ZDHHC24: variants seen among roughly 807,000 people sequenced by gnomAD.
The protein encoded by ZDHHC24 is probable palmitoyltransferase ZDHHC24.
A neutral mutation model predicts 23.2 loss-of-function variants in ZDHHC24; 17 were observed. That is an observed-to-expected ratio of 0.73 (90% confidence interval 0.50 to 1.10). ZDHHC24 has a LOEUF of 1.10. ZDHHC24 is among the 50% of genes least tolerant of loss of function. The pLI, the probability that ZDHHC24 is intolerant of heterozygous loss-of-function variation, is 0.00. For missense variants in ZDHHC24, 366 were observed against 393.0 expected, an observed-to-expected ratio of 0.93 and a Z score of 0.58; for synonymous variants, 186 against 194.5, an observed-to-expected ratio of 0.96 and a Z score of 0.36.
chr11:66,526,721 C>T lies in ZDHHC24; in HGVS notation c.*21+215G>A, dbSNP rs1410252393. ...GAGGGAGGAAGTGAGGTGGGTCCCC[C>T]ACCAGCCCAGGCCATGAAACTCAAT... is the stretch of plus-strand genomic sequence containing the variant. On this transcript the variant is annotated intron_variant, in intron 4 of 4. Coordinates refer to the ZDHHC24 transcript ENST00000526986. 9 of 1,614,078 alleles carry T rather than the reference C, an allele frequency of 5.6e-6. No homozygotes were observed. The Admixed American group carries it at 1.0e-4, about 18-fold the overall frequency.
downstream of ZDHHC24, among the ~76,000 whole-genome samples, chr11:66,535,235 G>T (rs1373927356): frequency 1.3e-5 from 2 of 151,388 alleles, no homozygotes; most frequent in Non-Finnish European, 3.0e-5. Context: ...TTGAGACAGA[G>T]TCTAGCTCTT....
chr11:66,530,066 G>A (rs917798777), intron 2 of ZDHHC24: 16 of 1,449,632 alleles, frequency 1.1e-5, no homozygotes, highest in East Asian at 2.5e-5. Context: ...AACTCAGCCC[G>A]TGCTCCCCAT....
At chr11:66,527,218 AAAGAG>A (rs1364753103) in intron 3 of ZDHHC24, among the ~76,000 whole-genome samples, 1 of 151,734 alleles carries the variant, frequency 6.6e-6, no homozygotes, top group Non-Finnish European at 1.5e-5. Context: ...AAAAAAAAAA[AAAGAG>A]AGAGAGAGAA....
downstream of ZDHHC24, chr11:66,531,687 C>A (rs774636593): frequency 3.1e-6 from 5 of 1,614,032 alleles, no homozygotes; most frequent in Non-Finnish European, 4.2e-6. Flanking sequence ...CTCAACTACC[C>A]CCTGGAGACC....
At chr11:66,521,206 C>T (rs915662034) in exon 5 of ZDHHC24, 6 of 1,247,184 alleles carry the variant, frequency 4.8e-6, no homozygotes, top group African/African-American at 1.5e-5. Context: ...AGAGGAGTTA[C>T]TGACAGGGCA....
Position 66,545,970 on chromosome 11 carries a change from C to G in ZDHHC24, c.34G>C (p.Gly12Arg), listed in dbSNP as rs960243155. 77 of 1,422,658 alleles carry G rather than the reference C, an allele frequency of 5.4e-5. No homozygotes were observed. The highest frequency in any genetic ancestry group is 6.8e-5 in the Non-Finnish European group (75 of 1,102,766). The allele number at this position is 1,422,658 out of a possible 1,614,324, so 88.1% of individuals were successfully genotyped here. Residue 12 changes from glycine to arginine, a missense_variant, in exon 1 of 3, where the codon GGG becomes CGG. By Grantham distance (125) the Gly-to-Arg change is moderately radical (BLOSUM62 -2). Transcript: ENST00000310442. The surrounding 1 kb of genome is among the most constrained non-coding windows in gnomAD (Gnocchi z 4.5). ...ACGAGAGGCAGCTGCGCGGGCGCCC[C>G]GTCCGTGCTCCCAGCCGCCCAGGGC... The part of the protein sequence containing the change: ...GQPWAAGSTD[G>R]APAQLPLVLT...
chr11:66,528,735 G>A lies in ZDHHC24; in HGVS notation c.736+577C>T, dbSNP rs183013989. ...TGTAATCCCAGCACTTTGGGAGGCCGAGGTGGGCAGATCACCTGAGGTCAG... is the reference window on the plus strand; with the variant it reads ...TGTAATCCCAGCACTTTGGGAGGCCAAGGTGGGCAGATCACCTGAGGTCAG... On this transcript the variant is annotated intron_variant, in intron 3 of 4. Transcript: ENST00000526986. Among the ~76,000 whole-genome samples the A allele has an allele frequency of 7.6e-3, 1,163 of 152,116 alleles. 17 individuals carry two copies. Among genetic ancestry groups the A allele is most frequent in the African/African-American group, 0.026 (1,090 of 41,486 alleles).
rs1383305770 is a variant in ZDHHC24, at chr11:66,540,413, C to T, written c.560-589G>A. Among the ~76,000 whole-genome samples, 5 of 120,124 alleles carry T rather than the reference C, an allele frequency of 4.2e-5. No individual in the cohort carries two copies. The Admixed American group carries it at 5.0e-4, about 12-fold the overall frequency. 78.8% of individuals were successfully genotyped at this position (120,124 alleles called of 152,430 possible). On this transcript the variant is annotated intron_variant, in intron 2 of 2. Coordinates refer to ENST00000310442, the MANE Select transcript of ZDHHC24 (RefSeq NM_207340.3). ...CTGCACTCCAGCATGGGCAACATAGCGAGACTCCCATCTCAAAAAAAAAAA... is the reference window on the plus strand; with the variant it reads ...CTGCACTCCAGCATGGGCAACATAGTGAGACTCCCATCTCAAAAAAAAAAA...
intron 3 of ZDHHC24, among the ~76,000 whole-genome samples, chr11:66,528,324 G>T (rs1296818464): frequency 6.6e-6 from 1 of 152,248 alleles, no homozygotes; most frequent in Admixed American, 6.5e-5. Context: ...CAAGTTGCAG[G>T]ATGGGAAGAC....
chr11:66,540,604 C>G (rs28672995), intron 2 of ZDHHC24, among the ~76,000 whole-genome samples: 1 of 150,346 alleles, frequency 6.7e-6, no homozygotes, highest in African/African-American at 2.5e-5. Context: ...TGCGCACGCC[C>G]GTAATCCCAG....
At position 66,545,732 on chromosome 11, in the gene ZDHHC24, T is replaced by C. The variant is rs2305534; in HGVS notation, c.272A>G (p.Gln91Arg). Residue 91 changes from glutamine to arginine, a missense_variant, in exon 1 of 3, where the codon CAG (glutamine) becomes CGG (arginine). Transcript: ENST00000310442. The surrounding 1 kb of genome is among the most constrained non-coding windows in gnomAD (Gnocchi z 4.5). ...GVMLAGRGLG[Q>R]GWAYCYQCQS... ...CCCGCACCCCACTCACGCCCAGCCC[T>C]GGCCCAGACCGCGGCCGGCCAGCAT... The C allele has an allele frequency of 0.24, 376,630 of 1,568,596 alleles. 46,736 individuals carry two copies. The highest frequency in any genetic ancestry group is 0.28 in the East Asian group (11,633 of 41,758).
intron 2 of ZDHHC24, among the ~76,000 whole-genome samples, chr11:66,541,764 G>A (rs914140453): frequency 1.3e-5 from 2 of 152,132 alleles, no homozygotes; most frequent in African/African-American, 4.8e-5. Context: ...GCAGTGTCAT[G>A]AGTCTAAAAG....
At chr11:66,530,709 A>C (rs909951414), downstream of ZDHHC24, among the ~76,000 whole-genome samples, 5 of 152,228 alleles carry the variant, frequency 3.3e-5, no homozygotes, top group African/African-American at 1.2e-4. Context: ...GGCCTCCCTC[A>C]GGCTCTTGCC....
rs1253302605 is a variant in ZDHHC24, at chr11:66,539,569, G to A, written c.815C>T (p.Thr272Ile). 1 of 1,607,868 alleles carries A rather than the reference G, an allele frequency of 6.2e-7. No individual in the cohort carries two copies. Among genetic ancestry groups the A allele is most frequent in the Non-Finnish European group, 8.5e-7 (1 of 1,176,780 alleles). Residue 272 changes from threonine to isoleucine, a missense_variant, in exon 3 of 3, where the codon ACC becomes ATC. Thr to Ile is a moderately conservative substitution (Grantham distance 89, BLOSUM62 -1). Coordinates refer to ENST00000310442, the MANE Select transcript of ZDHHC24 (RefSeq NM_207340.3). ...TCCCACATCTGCTGTGGTCTGGAAG[G>A]TGATCCCATCCCCAGGCAATGGGGA... ...LASPLPGDGI[T>I]FQTTADVGHT... is the part of the protein sequence containing the mutation.
rs1413396159 is a variant in ZDHHC24 at position 66,524,215 on chromosome 11, G to C, written c.*21+2721C>G. 4 of 372,456 alleles carry C rather than the reference G, an allele frequency of 1.1e-5. No homozygotes were observed. The highest frequency in any genetic ancestry group is 2.1e-5 in the Non-Finnish European group (4 of 191,542). The allele number at this position is 372,456 out of a possible 1,614,324, so 23.1% of individuals were successfully genotyped here. ...GAATCGCTTGAGCCTGGGAGGCGGA[G>C]GTTGCAGTGAGCCAAGATCAAACCA... On this transcript the variant is annotated intron_variant, in intron 4 of 4. Transcript: ENST00000526986.
At chr11:66,531,598 A>G, downstream of ZDHHC24, 1 of 1,610,064 alleles carries the variant, frequency 6.2e-7, no homozygotes, top group Non-Finnish European at 8.5e-7. Context: ...AATGCACTGG[A>G]ATATGCCAAA....
chr11:66,536,075 A>G lies in ZDHHC24; in HGVS notation c.*3454T>C, dbSNP rs1220591539. 4 of 152,360 alleles carry G rather than the reference A, an allele frequency of 2.6e-5. No homozygotes were observed. Among genetic ancestry groups the G allele is most frequent in the Admixed American group, 2.6e-4 (4 of 15,282 alleles). The allele number at this position is 152,360 out of a possible 1,614,324, so 9.4% of individuals were successfully genotyped here. A position where few individuals can be genotyped will look rare whatever the true frequency, so the allele number is the denominator to read the frequency against. On this transcript the variant is annotated 3_prime_UTR_variant, in exon 3 of 3. Transcript: ENST00000310442. ...ATATATTTGAAAACATGCAAAGCCA[A>G]CACAAACACATTAATAAAACTATAA...
intron 4 of ZDHHC24, chr11:66,524,010 T>C (rs1856372355): frequency 7.3e-7 from 1 of 1,365,392 alleles, no homozygotes; most frequent in East Asian, 2.5e-5. Flanking sequence ...CCAGGCACAG[T>C]GGCTCATGCC....
At chr11:66,540,857 A>G (rs545760244) in intron 2 of ZDHHC24, among the ~76,000 whole-genome samples, 1 of 152,250 alleles carries the variant, frequency 6.6e-6, no homozygotes, top group South Asian at 2.1e-4. Context: ...TGTTACTCTA[A>G]GTGAGAGAAG....
Sources: allele counts gnomAD v4.1 joint callset (sites outside exome capture counted in the v4.1 genomes callset), GRCh38; gene constraint gnomAD v4.1.1; non-coding constraint Gnocchi (gnomAD v3.1); transcripts MANE v1.5; gene names NCBI Gene and HGNC (gene_info 2026-07-23, HGNC 2026-07-21).